Variants in PARPBP observed in about 807,000 individuals in gnomAD.
PARPBP encodes the protein PARP1 binding protein.
Under a neutral mutation model 50.0 loss-of-function variants are expected in PARPBP, and 52 were observed. That is an observed-to-expected ratio of 1.04 (90% CI 0.83 to 1.31). The LOEUF (loss-of-function observed/expected upper bound fraction) is 1.31, where lower values mean the gene tolerates loss of function less well. PARPBP is among the 50% of genes most tolerant of loss of function. PARPBP has a pLI of 0.00. For synonymous variants in PARPBP, 244 were observed against 232.1 expected, an observed-to-expected ratio of 1.05 and a Z score of -0.47; for missense variants, 697 against 672.0, an observed-to-expected ratio of 1.04 and a Z score of -0.41.
chr12:102,197,347 T>C lies in PARPBP; in HGVS notation c.*1056T>C. The C allele has an allele frequency of 1.2e-6, 1 of 813,994 alleles. No homozygotes were observed. The allele number at this position is 813,994 out of a possible 1,614,324, so 50.4% of individuals were successfully genotyped here. A position where few individuals can be genotyped will look rare whatever the true frequency, so the allele number is the denominator to read the frequency against. On this transcript the variant is annotated 3_prime_UTR_variant, in exon 11 of 11. Transcript: ENST00000327680. ...AAAACACTTTCAGATAAGAGGTGTT[T>C]GCTGGGATGGAAGAACTACCTGGCA...
At chr12:102,140,096 G>A (rs1161529804) in intron 2 of PARPBP, among the ~76,000 whole-genome samples, 4 of 152,030 alleles carry the variant, frequency 2.6e-5, no homozygotes, top group African/African-American at 9.7e-5. Context: ...GAATTTAGCT[G>A]TGAATCCATC....
At chr12:102,179,904 C>A (rs1002609165) in intron 8 of PARPBP, among the ~76,000 whole-genome samples, 2 of 152,146 alleles carry the variant, frequency 1.3e-5, no homozygotes, top group African/African-American at 2.4e-5. Flanking sequence ...ACAAAATTAT[C>A]GTACCGCTTG....
chr12:102,152,213 G>A (rs376995603), intron 3 of PARPBP, among the ~76,000 whole-genome samples: 41 of 152,222 alleles, frequency 2.7e-4, no homozygotes, highest in African/African-American at 7.5e-4. Context: ...GCCCCTGTTC[G>A]AAATCTCAGA....
chr12:102,121,571 T>TTTTTAA (rs57945278), intron 1 of PARPBP, among the ~76,000 whole-genome samples: 1 of 127,288 alleles, frequency 7.9e-6, no homozygotes, highest in African/African-American at 3.1e-5. Context: ...TTTTTTTTTT[T>TTTTTAA]AAGACAGAGT....
chr12:102,159,016 C>G (rs1240367146), intron 4 of PARPBP, among the ~76,000 whole-genome samples: 6 of 152,186 alleles, frequency 3.9e-5, no homozygotes, highest in Non-Finnish European at 2.9e-5. Context: ...ACTAGTTCAA[C>G]TAATGGATTT....
intron 6 of PARPBP, among the ~76,000 whole-genome samples, chr12:102,169,225 G>A (rs991784259): frequency 6.6e-6 from 1 of 151,856 alleles, no homozygotes; most frequent in Non-Finnish European, 1.5e-5. Context: ...ATTTCCTATT[G>A]GAACTCTTTT....
intron 2 of PARPBP, among the ~76,000 whole-genome samples, chr12:102,138,243 C>G (rs947258075): frequency 4.3e-4 from 66 of 152,312 alleles, no homozygotes; most frequent in African/African-American, 1.6e-3. Flanking sequence ...ATTTGCATTT[C>G]TCTGATGGCC....
At position 102,132,004 on chromosome 12, in the gene PARPBP, G is replaced by A. The variant is rs141035827; in HGVS notation, c.153+7963G>A. Among the ~76,000 whole-genome samples the A allele has an allele frequency of 7.2e-3, 1,101 of 152,294 alleles. 8 individuals carry two copies. Among genetic ancestry groups the A allele is most frequent in the Middle Eastern group, 0.014 (4 of 294 alleles). On this transcript the variant is annotated intron_variant, in intron 2 of 10. Coordinates refer to ENST00000327680, the MANE Select transcript of PARPBP (RefSeq NM_017915.5). ...AGATGGCCTGAGGTCGGGAGTTTGA[G>A]ACCAGCCTGGCCAACATGGTGAAAC...
intron 7 of PARPBP, among the ~76,000 whole-genome samples, chr12:102,178,016 T>G (rs527680566): frequency 9.2e-5 from 14 of 152,354 alleles, no homozygotes; most frequent in African/African-American, 3.1e-4. Flanking sequence ...CACTTAGCAT[T>G]CTGTAATGCA....
At chr12:102,173,241 A>T (rs1190178348) in intron 6 of PARPBP, among the ~76,000 whole-genome samples, 3 of 152,220 alleles carry the variant, frequency 2.0e-5, no homozygotes, top group Non-Finnish European at 4.4e-5. Flanking sequence ...CAGTGTAAAA[A>T]TAAACTAAGA....
intron 9 of PARPBP, among the ~76,000 whole-genome samples, chr12:102,189,159 C>T (rs1368104312): frequency 2.6e-5 from 4 of 152,180 alleles, no homozygotes; most frequent in Non-Finnish European, 4.4e-5. Flanking sequence ...CAGTTCACAT[C>T]AGATTACTAC....
At chr12:102,136,437 T>C (rs1360140948) in intron 2 of PARPBP, among the ~76,000 whole-genome samples, 2 of 152,234 alleles carry the variant, frequency 1.3e-5, no homozygotes, top group Non-Finnish European at 2.9e-5. Context: ...AAGTAGATTT[T>C]TTCAACAAGC....
In PARPBP at chr12:102,164,542, A is replaced by G. The variant is rs1488681958; in HGVS notation, c.600A>G (p.Gly200=). ...VAYILNIPDR[G]LGREAFTDLK... ...ATATTCTCAATATTCCTGATAGAGG[A>G]CTAGGAAGAGAAGCCTTCACTGATT... The change falls in exon 5 of 11, where the codon GGA becomes GGG. Residue 200 remains glycine (G), a synonymous_variant. Transcript: ENST00000327680. The G allele has an allele frequency of 6.2e-7, 1 of 1,612,924 alleles. No individual in the cohort carries two copies. The highest frequency in any genetic ancestry group is 2.2e-5 in the East Asian group (1 of 44,850).
intron 7 of PARPBP, among the ~76,000 whole-genome samples, chr12:102,175,883 T>TCCCCA: frequency 6.6e-6 from 1 of 152,182 alleles, no homozygotes; most frequent in East Asian, 1.9e-4. Context: ...CTGAATTTGT[T>TCCCCA]AAAGTAAGGC....
chr12:102,127,956 G>A (rs962038367), intron 2 of PARPBP, among the ~76,000 whole-genome samples: 18 of 152,102 alleles, frequency 1.2e-4, no homozygotes, highest in African/African-American at 4.3e-4. Flanking sequence ...TTTGAAATAT[G>A]TATACATTGT....
At chr12:102,192,940 G>A (rs1310462730) in intron 9 of PARPBP, among the ~76,000 whole-genome samples, 1 of 151,646 alleles carries the variant, frequency 6.6e-6, no homozygotes, top group Non-Finnish European at 1.5e-5. Context: ...TATACAAAGG[G>A]GGGGAGTTCT....
At chr12:102,182,522 T>C in intron 8 of PARPBP, 27 bp from the exon 9 acceptor site, 5 of 1,486,916 alleles carry the variant, frequency 3.4e-6, no homozygotes, top group Non-Finnish European at 4.6e-6. Flanking sequence ...TAGCAATAAA[T>C]TTTTGCCTTT....
At chr12:102,143,865 T>G (rs2138349689) in intron 2 of PARPBP, among the ~76,000 whole-genome samples, 1 of 152,286 alleles carries the variant, frequency 6.6e-6, no homozygotes, top group Admixed American at 6.5e-5. Flanking sequence ...TATACCTTTA[T>G]GGAAAGCAAT....
At chr12:102,132,455 A>AT (rs1883012568) in intron 2 of PARPBP, among the ~76,000 whole-genome samples, 1 of 151,988 alleles carries the variant, frequency 6.6e-6, no homozygotes, top group South Asian at 2.1e-4. Context: ...TTCAAAACCA[A>AT]TTGCCTGTAA....
Sources: allele counts gnomAD v4.1 joint callset (sites outside exome capture counted in the v4.1 genomes callset), GRCh38; gene constraint gnomAD v4.1.1; transcripts MANE v1.5; gene names NCBI Gene and HGNC (gene_info 2026-07-23, HGNC 2026-07-21).